RFTN1: variants seen among roughly 807,000 people sequenced by gnomAD.
RFTN1 encodes raftlin, lipid raft linker 1, also known as raftlin.
A neutral mutation model predicts 46.5 loss-of-function variants in RFTN1; 26 were observed. That is an observed-to-expected ratio of 0.56 (90% CI 0.41 to 0.78). RFTN1 has a LOEUF of 0.78. Among genes scored for constraint, RFTN1 ranks in the 30% least tolerant of loss-of-function variants. The pLI, the probability that RFTN1 is intolerant of heterozygous loss-of-function variation, is 0.00. For synonymous variants in RFTN1, 261 were observed against 284.2 expected (o/e 0.92, Z 0.82); for missense variants, 693 against 718.7 (o/e 0.96, Z 0.41).
intron 4 of RFTN1, among the ~76,000 whole-genome samples, chr3:16,403,528 G>C (rs1356677317): frequency 9.3e-6 from 1 of 107,162 alleles, no homozygotes; most frequent in Non-Finnish European, 1.8e-5. Flanking sequence ...ACAAACATGG[G>C]CCAGCAGCAT....
chr3:16,416,266 A>G, intron 3 of RFTN1: 1 of 453,672 alleles, frequency 2.2e-6, no homozygotes, highest in Non-Finnish European at 4.4e-6. Context: ...GAGTGTAGCA[A>G]CATAGTTTTA....
intron 2 of RFTN1, among the ~76,000 whole-genome samples, chr3:16,478,234 C>T (rs1164414962): frequency 1.3e-5 from 2 of 152,232 alleles, no homozygotes; most frequent in Non-Finnish European, 2.9e-5. Flanking sequence ...GTTATACTCA[C>T]TGTGACACAG....
rs1049858248 is a variant in RFTN1, at chr3:16,458,553, T to C, written c.146-24516A>G. On this transcript the variant is annotated intron_variant, in intron 2 of 9. Coordinates refer to ENST00000334133, the MANE Select transcript of RFTN1 (RefSeq NM_015150.2). The surrounding 1 kb of genome is among the most constrained non-coding windows in gnomAD (Gnocchi z 5.1). ...GTAGCTTTTCAATAGTGGATCTTTA[T>C]TGAGCTTTTCCATCTTTGTAAATCG... 3.3e-5 allele frequency among the ~76,000 whole-genome samples: 5 copies of C among 152,264 alleles called. No homozygotes were observed. The highest frequency in any genetic ancestry group is 9.6e-5 in the African/African-American group (4 of 41,472).
chr3:16,486,399 T>G (rs1252483990), intron 2 of RFTN1, among the ~76,000 whole-genome samples: 7 of 152,176 alleles, frequency 4.6e-5, no homozygotes, highest in Non-Finnish European at 1.0e-4. Context: ...ACCTAAGACC[T>G]TTCATCATCT....
rs915101686 is a variant in RFTN1 at position 16,376,115 on chromosome 3, T to C, written c.826+1603A>G. ...CTACTGAGGAAACCTCAATAGTAAC[T>C]GCCTCCTTTCTCAAAGCCAGGATTC... On this transcript the variant is annotated intron_variant, in intron 5 of 9. Coordinates refer to ENST00000334133, the MANE Select transcript of RFTN1 (RefSeq NM_015150.2). The surrounding 1 kb of genome is among the most constrained non-coding windows in gnomAD (Gnocchi z 4.7). Among the ~76,000 whole-genome samples, 1 of 152,168 alleles carries C rather than the reference T, an allele frequency of 6.6e-6. No individual in the cohort carries two copies. Among genetic ancestry groups the C allele is most frequent in the Non-Finnish European group, 1.5e-5 (1 of 68,024 alleles).
In RFTN1 at chr3:16,322,310, A is replaced by G. The variant is rs1190528259; in HGVS notation, c.1332+1066T>C. ...GGCTTCAAGTCACCATTGCTTTGGC[A>G]CTCCTTCCACAAGTGGGCTCCCCCT... On this transcript the variant is annotated intron_variant, in intron 9 of 9. Coordinates refer to ENST00000334133, the MANE Select transcript of RFTN1 (RefSeq NM_015150.2). This position sits in a 1 kb window ranked among gnomAD's most constrained non-coding sequence, Gnocchi z 6.2. 1.3e-5 allele frequency among the ~76,000 whole-genome samples: 2 copies of G among 151,788 alleles called. No individual in the cohort carries two copies. The highest frequency in any genetic ancestry group is 2.1e-4 in the South Asian group (1 of 4,798).
rs1189539273 is a variant in RFTN1 at position 16,334,291 on chromosome 3, G to A, written c.1147-7415C>T. Among the ~76,000 whole-genome samples, 3 of 152,200 alleles carry A rather than the reference G, an allele frequency of 2.0e-5. No individual in the cohort carries two copies. Among genetic ancestry groups the A allele is most frequent in the East Asian group, 3.8e-4 (2 of 5,204 alleles). On this transcript the variant is annotated intron_variant, in intron 7 of 9. Transcript: ENST00000334133. The surrounding 1 kb of genome is among the most constrained non-coding windows in gnomAD (Gnocchi z 4.3). Reference sequence around the variant, plus strand: ...TGTTGCCAAGGCCGTGGGGAAGCATGCGTTCTTGTACATTGCTAGTGGAAG... The same window carrying A: ...TGTTGCCAAGGCCGTGGGGAAGCATACGTTCTTGTACATTGCTAGTGGAAG...
chr3:16,441,039 A>C lies in RFTN1; in HGVS notation c.146-7002T>G, dbSNP rs541398961. Reference sequence around the variant, plus strand: ...ATTTGATACTGGCCTCTATTTCCTAATTCCTCTTTTTTCTATATTGGCACT... The same window carrying C: ...ATTTGATACTGGCCTCTATTTCCTACTTCCTCTTTTTTCTATATTGGCACT... On this transcript the variant is annotated intron_variant, in intron 2 of 9. Transcript: ENST00000334133. Among the ~76,000 whole-genome samples the C allele has an allele frequency of 6.6e-5, 10 of 152,198 alleles. 1 individual carries two copies. The South Asian group carries it at 2.1e-3, about 32-fold the overall frequency.
chr3:16,478,699 T>A (rs956577267), intron 2 of RFTN1, among the ~76,000 whole-genome samples: 10 of 152,188 alleles, frequency 6.6e-5, no homozygotes, highest in South Asian at 2.1e-4. Context: ...TGGGGGAAGA[T>A]CCACTTCCAA....
In RFTN1 at chr3:16,495,134, A is replaced by G. The variant is rs190792355; in HGVS notation, c.-8-1257T>C. On this transcript the variant is annotated intron_variant, in intron 1 of 9. Transcript: ENST00000334133. ...CAGGAAGGCTTACTTATGCCTTAAT[A>G]AAGGAACATGAGTATCCAAAGGGCC... Among the ~76,000 whole-genome samples, 5 of 152,332 alleles carry G rather than the reference A, an allele frequency of 3.3e-5. No homozygotes were observed. The East Asian group carries it at 5.8e-4, about 18-fold the overall frequency.
chr3:16,413,670 C>T lies in RFTN1; in HGVS notation c.333-4187G>A, dbSNP rs1429278998. On this transcript the variant is annotated intron_variant, in intron 3 of 9. Transcript: ENST00000334133. This position sits in a 1 kb window ranked among gnomAD's most constrained non-coding sequence, Gnocchi z 4.7. ...CAGGGTTAACTAACAGCAAAAGCCC[C>T]CCCAACCTACTTTATCTGGAAATTA... 6.6e-6 allele frequency among the ~76,000 whole-genome samples: 1 copy of T among 152,154 alleles called. No homozygotes were observed. The highest frequency in any genetic ancestry group is 1.9e-4 in the East Asian group (1 of 5,190).
At chr3:16,389,526 A>C (rs2074298048) in intron 4 of RFTN1, among the ~76,000 whole-genome samples, 1 of 152,168 alleles carries the variant, frequency 6.6e-6, no homozygotes, top group Non-Finnish European at 1.5e-5. Flanking sequence ...CTTTGCATTA[A>C]CAACTACTGA....
chr3:16,476,805 T>G (rs2076288939), intron 2 of RFTN1, among the ~76,000 whole-genome samples: 1 of 152,378 alleles, frequency 6.6e-6, no homozygotes, highest in South Asian at 2.1e-4. Context: ...AGCTTAGTGG[T>G]TGAGTTCATG....
At chr3:16,412,284 A>C (rs1462376181) in intron 3 of RFTN1, among the ~76,000 whole-genome samples, 2 of 152,240 alleles carry the variant, frequency 1.3e-5, no homozygotes, top group Admixed American at 6.5e-5. Flanking sequence ...ATTACACTGA[A>C]GAATGGCTGA....
Position 16,377,777 on chromosome 3 carries a change from T to G in RFTN1, c.767A>C (p.Lys256Thr). ...GGELSPQGVS[K>T]TLDGPESNPL... The stretch of plus-strand genomic sequence containing the variant: ...GTTGCTCTCCGGTCCATCCAGTGTC[T>G]TGCTCACCCCCTGTGGTGAAAGTTC... The change falls in exon 5 of 10, where the codon AAG (lysine) becomes ACG (threonine). Residue 256 changes from lysine (K) to threonine (T), a missense_variant. Coordinates refer to ENST00000334133, the MANE Select transcript of RFTN1 (RefSeq NM_015150.2). 1 of 1,613,958 alleles carries G rather than the reference T, an allele frequency of 6.2e-7. No homozygotes were observed. The highest frequency in any genetic ancestry group is 1.1e-5 in the South Asian group (1 of 91,054).
rs2076332323 is a variant in RFTN1 at position 16,479,506 on chromosome 3, C to T, written c.145+14219G>A. ...AAACCTCAACATCCTTCTCCCCATT[C>T]CTTGCACACCTTTACAGCATTATTC... On this transcript the variant is annotated intron_variant, in intron 2 of 9. Transcript: ENST00000334133. The surrounding 1 kb of genome is among the most constrained non-coding windows in gnomAD (Gnocchi z 5.1). Among the ~76,000 whole-genome samples the T allele has an allele frequency of 6.6e-6, 1 of 152,218 alleles. No homozygotes were observed. The highest frequency in any genetic ancestry group is 6.5e-5 in the Admixed American group (1 of 15,294).
chr3:16,399,777 C>T (rs2074557808), intron 4 of RFTN1, among the ~76,000 whole-genome samples: 1 of 152,178 alleles, frequency 6.6e-6, no homozygotes, highest in Non-Finnish European at 1.5e-5. Flanking sequence ...TCATCCTTAT[C>T]TCAGCAAAGG....
At chr3:16,360,957 C>G (rs1413121215) in intron 6 of RFTN1, among the ~76,000 whole-genome samples, 1 of 152,144 alleles carries the variant, frequency 6.6e-6, no homozygotes, top group Non-Finnish European at 1.5e-5. Context: ...ACACAAAATG[C>G]TAGCAGCAGT....
At chr3:16,455,489 T>C (rs73146215) in intron 2 of RFTN1, among the ~76,000 whole-genome samples, 2,229 of 152,234 alleles carry the variant, frequency 0.015, 61 homozygotes, top group African/African-American at 0.051. Context: ...AAAGGACTAG[T>C]CCTGACAGAT....
Sources: allele counts gnomAD v4.1 joint callset (sites outside exome capture counted in the v4.1 genomes callset), GRCh38; gene constraint gnomAD v4.1.1; non-coding constraint Gnocchi (gnomAD v3.1); transcripts MANE v1.5; gene names NCBI Gene and HGNC (gene_info 2026-07-23, HGNC 2026-07-21).